FAM114A1: variants seen among roughly 807,000 people sequenced by gnomAD.
FAM114A1 encodes family with sequence similarity 114 member A1.
In FAM114A1, 62 loss-of-function variants were observed where a neutral mutation model predicts 64.3. The observed-to-expected ratio is 0.96, with a 90% confidence interval of 0.79 to 1.19. The LOEUF (loss-of-function observed/expected upper bound fraction) is 1.19. Among genes scored for constraint, FAM114A1 ranks in the 50% most tolerant of loss-of-function variants. The pLI is 0.00. For missense variants in FAM114A1, 645 were observed against 676.3 expected (o/e 0.95, Z 0.51); for synonymous variants, 254 against 251.1 (o/e 1.01, Z -0.11).
chr4:38,933,997 A>G (rs898523698), intron 12 of FAM114A1, among the ~76,000 whole-genome samples: 2 of 152,230 alleles, frequency 1.3e-5, no homozygotes, highest in African/African-American at 4.8e-5. Context: ...TTCCATATCT[A>G]AGGATATAAA....
intron 9 of FAM114A1, among the ~76,000 whole-genome samples, chr4:38,925,196 C>T (rs1719994724): frequency 6.6e-6 from 1 of 152,182 alleles, no homozygotes; most frequent in Non-Finnish European, 1.5e-5. Flanking sequence ...TGACAAAACC[C>T]TGTTATCTCC....
At position 38,945,698 on chromosome 4, in the gene FAM114A1, A is replaced by G. The variant is rs1341211374; in HGVS notation, c.*2141A>G. Reference sequence around the variant, plus strand: ...TAAGAACACTTTATGTACAATCTGGAAAAAAATTACCTGAGAAATCAATTA... The same window carrying G: ...TAAGAACACTTTATGTACAATCTGGGAAAAAATTACCTGAGAAATCAATTA... On this transcript the variant is annotated 3_prime_UTR_variant, in exon 15 of 15. Coordinates refer to ENST00000358869, the MANE Select transcript of FAM114A1 (RefSeq NM_138389.4). 3 of 152,200 alleles carry G rather than the reference A, an allele frequency of 2.0e-5. No individual in the cohort carries two copies. Among genetic ancestry groups the G allele is most frequent in the African/African-American group, 7.2e-5 (3 of 41,448 alleles). 9.4% of individuals were successfully genotyped at this position (152,200 alleles called of 1,614,324 possible).
rs146902704 is a variant in FAM114A1, at chr4:38,924,372, C to G, written c.1069+1479C>G. Among the ~76,000 whole-genome samples, 927 of 152,288 alleles carry G rather than the reference C, an allele frequency of 6.1e-3. 11 individuals carry two copies. The highest frequency in any genetic ancestry group is 9.8e-3 in the Non-Finnish European group (666 of 68,036). ...ATGCTCGTTGTTATTACCCGGCATG[C>G]AAAGTAATGAGAATGTGCATTCTTA... On this transcript the variant is annotated intron_variant, in intron 9 of 14. Transcript: ENST00000358869.
chr4:38,933,105 G>T (rs1408743280), intron 12 of FAM114A1, among the ~76,000 whole-genome samples: 1 of 152,082 alleles, frequency 6.6e-6, no homozygotes, highest in East Asian at 1.9e-4. Context: ...GCCTGCCTCG[G>T]CCTCCCAAAG....
At chr4:38,898,816 T>C (rs1006577863) in intron 4 of FAM114A1, among the ~76,000 whole-genome samples, 4 of 151,940 alleles carry the variant, frequency 2.6e-5, no homozygotes, top group Non-Finnish European at 5.9e-5. Flanking sequence ...TATCAACTTG[T>C]GCTTTTCTGA....
intron 3 of FAM114A1, among the ~76,000 whole-genome samples, chr4:38,884,598 T>A (rs113875264): frequency 2.0e-5 from 3 of 152,342 alleles, no homozygotes; most frequent in African/African-American, 7.2e-5. Flanking sequence ...ACTACCACAT[T>A]CTATAAGCGA....
At chr4:38,932,484 C>G in intron 12 of FAM114A1, 110 bp downstream of exon 12, 1 of 1,204,670 alleles carries the variant, frequency 8.3e-7, no homozygotes, top group Non-Finnish European at 1.1e-6. Flanking sequence ...ATTCAGGTTT[C>G]TTTTTGTTTG....
intron 3 of FAM114A1, among the ~76,000 whole-genome samples, chr4:38,884,523 G>C (rs1715607108): frequency 6.6e-6 from 1 of 152,180 alleles, no homozygotes; most frequent in Non-Finnish European, 1.5e-5. Flanking sequence ...ACAGCTCTTA[G>C]GGTTTTGTTT....
intron 2 of FAM114A1, among the ~76,000 whole-genome samples, chr4:38,875,646 A>G (rs1714540585): frequency 6.6e-6 from 1 of 151,844 alleles, no homozygotes; most frequent in Admixed American, 6.6e-5. Flanking sequence ...TTCCTATTTT[A>G]TTTCGTTCTC....
chr4:38,899,724 C>T (rs1014129471), intron 4 of FAM114A1, among the ~76,000 whole-genome samples: 20 of 152,140 alleles, frequency 1.3e-4, no homozygotes, highest in Non-Finnish European at 5.9e-5. Flanking sequence ...TATATCAGAG[C>T]AAATACATTA....
At chr4:38,900,867 T>C (rs1404406685) in intron 4 of FAM114A1, among the ~76,000 whole-genome samples, 1 of 152,026 alleles carries the variant, frequency 6.6e-6, no homozygotes, top group Non-Finnish European at 1.5e-5. Context: ...TGCATAATAT[T>C]GTGAAGGTAT....
chr4:38,945,261 A>G lies in FAM114A1; in HGVS notation c.*1704A>G, dbSNP rs778795320. 1 of 152,296 alleles carries G rather than the reference A, an allele frequency of 6.6e-6. No individual in the cohort carries two copies. 9.4% of individuals were successfully genotyped at this position (152,296 alleles called of 1,614,324 possible). ...TCATCATCGTTGCTAAAGGACAGAA[A>G]ATACTGATGTGTGTTTTAACTAACT... On this transcript the variant is annotated 3_prime_UTR_variant, in exon 15 of 15. Coordinates refer to ENST00000358869, the MANE Select transcript of FAM114A1 (RefSeq NM_138389.4).
intron 3 of FAM114A1, among the ~76,000 whole-genome samples, chr4:38,880,182 T>C (rs532865433): frequency 7.5e-6 from 1 of 133,736 alleles, no homozygotes; most frequent in East Asian, 2.4e-4. Context: ...ATAGAAAATA[T>C]TGATGCTAGG....
chr4:38,902,592 G>A (rs1362005636), intron 4 of FAM114A1, among the ~76,000 whole-genome samples: 3 of 152,070 alleles, frequency 2.0e-5, no homozygotes, highest in South Asian at 2.1e-4. Flanking sequence ...ATACATTATC[G>A]AAGCATTTGT....
intron 4 of FAM114A1, among the ~76,000 whole-genome samples, chr4:38,902,217 G>A (rs1223650659): frequency 6.6e-6 from 1 of 152,166 alleles, no homozygotes; most frequent in Admixed American, 6.5e-5. Context: ...TGTGAAATGA[G>A]TATACTAATA....
intron 13 of FAM114A1, 30 bp downstream of exon 13, chr4:38,935,820 C>T (rs188806426): frequency 1.5e-4 from 223 of 1,489,980 alleles, no homozygotes; most frequent in Admixed American, 7.4e-4. Context: ...TTTTTTTCAC[C>T]TTTTTTAAGG....
chr4:38,885,815 T>C (rs1179001670), intron 3 of FAM114A1, among the ~76,000 whole-genome samples: 1 of 152,192 alleles, frequency 6.6e-6, no homozygotes, highest in Non-Finnish European at 1.5e-5. Flanking sequence ...TTTATTGGAA[T>C]GCTGACAGCA....
chr4:38,929,872 A>G (rs1215792815), intron 10 of FAM114A1, among the ~76,000 whole-genome samples: 5 of 152,230 alleles, frequency 3.3e-5, no homozygotes, highest in South Asian at 4.1e-4. Context: ...TGAGATCTGC[A>G]TTTTAGTTGT....
chr4:38,919,547 G>GTA (rs1206147234), intron 8 of FAM114A1, among the ~76,000 whole-genome samples: 1 of 152,232 alleles, frequency 6.6e-6, no homozygotes, highest in East Asian at 1.9e-4. Flanking sequence ...GACCTGGAGA[G>GTA]TATTCTAGAA....
Sources: gnomAD v4.1 joint callset for allele counts (sites outside exome capture counted in the v4.1 genomes callset) on GRCh38, gnomAD v4.1.1 for gene constraint, MANE v1.5 for transcripts, NCBI Gene and HGNC (gene_info 2026-07-23, HGNC 2026-07-21) for gene names.